Variants in ENPP2 observed in about 807,000 individuals in gnomAD.
ENPP2 encodes the protein autotaxin.
ENPP2 carries 51 observed loss-of-function variants against 120.2 expected under a neutral mutation model. The observed-to-expected ratio is 0.42, with a 90% confidence interval of 0.34 to 0.54. The LOEUF is 0.54. Among genes scored for constraint, ENPP2 ranks in the 20% least tolerant of loss-of-function variants. The pLI, the probability that ENPP2 is intolerant of heterozygous loss-of-function variation, is 0.04. For missense variants in ENPP2, 920 were observed against 1,066.5 expected (o/e 0.86, Z 1.91); for synonymous variants, 365 against 366.4 (o/e 1.00, Z 0.04).
chr8:119,649,297 G>C (rs1349582182), intron 1 of ENPP2, among the ~76,000 whole-genome samples: 2 of 151,036 alleles, frequency 1.3e-5, no homozygotes, highest in Non-Finnish European at 2.9e-5. Context: ...AGCTACTCAG[G>C]AGGCTGAGGC....
At chr8:119,583,484 G>T (rs951504156) in intron 17 of ENPP2, among the ~76,000 whole-genome samples, 2 of 152,186 alleles carry the variant, frequency 1.3e-5, no homozygotes, top group African/African-American at 2.4e-5. Context: ...GCCAGAGGCT[G>T]CCAACAGCAA....
At chr8:119,668,429 CTTTTTTTT>C in intron 1 of ENPP2, among the ~76,000 whole-genome samples, 1 of 110,530 alleles carries the variant, frequency 9.0e-6, no homozygotes, top group Middle Eastern at 4.9e-3. Flanking sequence ...TTTTCTTTTT[CTTTTTTTT>C]TTTTTTTTTT....
rs1370257799 is a variant in ENPP2, at chr8:119,586,195, T to A, written c.1358A>T (p.His453Leu). 6.2e-7 allele frequency: 1 copy of A among 1,613,930 alleles called. No individual in the cohort carries two copies. Among genetic ancestry groups the A allele is most frequent in the African/African-American group, 1.3e-5 (1 of 74,954 alleles). Reference sequence around the variant, plus strand: ...CCCATATACCAGTTACCTTGCAACATGCCATCTGCGTTCCACCAATAAATG... The same window carrying A: ...CCCATATACCAGTTACCTTGCAACAAGCCATCTGCGTTCCACCAATAAATG... ...DIHLLVERRW[H>L]VARKPLDVYK... is the part of the protein sequence containing the mutation. The change falls in exon 15 of 25, where the codon CAT becomes CTT. Residue 453 changes from histidine to leucine, a missense_variant. Physicochemically the swap from His to Leu is moderately conservative, Grantham distance 99 (BLOSUM62 -3). Transcript: ENST00000075322.
In ENPP2 at chr8:119,626,711, T is replaced by C; in HGVS notation, c.146A>G (p.Asp49Gly). The change falls in exon 3 of 25, where the codon GAC (aspartate) becomes GGC (glycine). Residue 49 changes from aspartate to glycine, a missense_variant. By Grantham distance (94) the Asp-to-Gly change is moderately conservative. Coordinates refer to ENST00000075322, the MANE Select transcript of ENPP2 (RefSeq NM_001040092.3). The part of the protein sequence containing the change: ...WEEGPPTVLS[D>G]SPWTNISGSC... ...TCCGGAGATGTTGGTCCAGGGGGAG[T>C]CTGATAGCACTGCAAAGAACAAGAG... 1 of 1,613,276 alleles carries C rather than the reference T, an allele frequency of 6.2e-7. No individual in the cohort carries two copies. Among genetic ancestry groups the C allele is most frequent in the Non-Finnish European group, 8.5e-7 (1 of 1,179,762 alleles).
At chr8:119,631,226 T>TC (rs1293831085) in intron 2 of ENPP2, among the ~76,000 whole-genome samples, 11 of 131,958 alleles carry the variant, frequency 8.3e-5, no homozygotes, top group Non-Finnish European at 1.5e-4. Context: ...TTTTTTTTTT[T>TC]TTTTTTTTGA....
chr8:119,592,777 A>C (rs1813616245), intron 12 of ENPP2: 1 of 154,414 alleles, frequency 6.5e-6, no homozygotes, highest in African/African-American at 2.4e-5. Flanking sequence ...ATGACTTCGC[A>C]AAGGGTTATA....
At chr8:119,569,034 T>C (rs945173958) in intron 21 of ENPP2, among the ~76,000 whole-genome samples, 5 of 152,200 alleles carry the variant, frequency 3.3e-5, no homozygotes, top group African/African-American at 1.2e-4. Flanking sequence ...CCTTGCACAT[T>C]AGAATTCCCC....
At chr8:119,659,820 G>T (rs1158393061) in intron 1 of ENPP2, among the ~76,000 whole-genome samples, 1 of 152,138 alleles carries the variant, frequency 6.6e-6, no homozygotes, top group Non-Finnish European at 1.5e-5. Flanking sequence ...TGCTTGTCTT[G>T]TATTAAGAAG....
intron 1 of ENPP2, among the ~76,000 whole-genome samples, chr8:119,648,670 C>T (rs891296301): frequency 3.3e-5 from 5 of 152,204 alleles, no homozygotes; most frequent in Non-Finnish European, 7.3e-5. Context: ...TGTGATTCCC[C>T]TTGCAATCAT....
chr8:119,604,594 A>C (rs1210194153), intron 9 of ENPP2, among the ~76,000 whole-genome samples: 13 of 151,718 alleles, frequency 8.6e-5, no homozygotes, highest in Admixed American at 2.0e-4. Flanking sequence ...GGTCAAAAAA[A>C]AAAAAAAAAG....
intron 1 of ENPP2, among the ~76,000 whole-genome samples, chr8:119,649,043 C>CA (rs1817551745): frequency 6.6e-6 from 1 of 151,886 alleles, no homozygotes; most frequent in African/African-American, 2.4e-5. Context: ...GACAAAAATA[C>CA]AAAAATCAGT....
At chr8:119,670,736 A>T (rs1278927538) in intron 1 of ENPP2, among the ~76,000 whole-genome samples, 2 of 152,218 alleles carry the variant, frequency 1.3e-5, no homozygotes, top group Non-Finnish European at 2.9e-5. Flanking sequence ...GTACAGAAAG[A>T]AAGTCTTATT....
chr8:119,634,118 G>A (rs182963646), intron 2 of ENPP2, among the ~76,000 whole-genome samples: 3 of 152,226 alleles, frequency 2.0e-5, no homozygotes, highest in Non-Finnish European at 4.4e-5. Context: ...GGGAGGTGGA[G>A]GTTGCAGTTA....
At chr8:119,671,156 C>G (rs1285580377) in intron 1 of ENPP2, among the ~76,000 whole-genome samples, 1 of 137,568 alleles carries the variant, frequency 7.3e-6, no homozygotes. Flanking sequence ...AAAAAATTAG[C>G]CTGGCATGGT....
rs1563680979 is a variant in ENPP2 at position 119,573,407 on chromosome 8, T to TAAAAAAAAAAAAAAAAA, written c.1781-2567_1781-2566insTTTTTTTTTTTTTTTTT. Among the ~76,000 whole-genome samples the TAAAAAAAAAAAAAAAAA allele has an allele frequency of 8.4e-5, 6 of 71,554 alleles. 1 individual carries two copies. The highest frequency in any genetic ancestry group is 4.3e-4 in the African/African-American group (6 of 14,084). 46.9% of individuals were successfully genotyped at this position (71,554 alleles called of 152,430 possible). A position where few individuals can be genotyped will look rare whatever the true frequency, so the allele number is the denominator to read the frequency against. ...AGGTGACAGAGCGAGGCTCCGTCTC[T>TAAAAAAAAAAAAAAAAA]TAAAAAAAAAAAAAAAAAAGATTCA... On this transcript the variant is annotated intron_variant, in intron 19 of 24. Coordinates refer to ENST00000075322, the MANE Select transcript of ENPP2 (RefSeq NM_001040092.3).
intron 19 of ENPP2, 82 bp downstream of exon 19, chr8:119,580,034 A>T: frequency 1.1e-6 from 1 of 900,580 alleles, no homozygotes; most frequent in Non-Finnish European, 1.9e-6. Flanking sequence ...TATTGTGCTT[A>T]CACTATAATG....
At chr8:119,645,217 C>T (rs952152874) in intron 1 of ENPP2, among the ~76,000 whole-genome samples, 4 of 152,142 alleles carry the variant, frequency 2.6e-5, no homozygotes, top group African/African-American at 7.2e-5. Flanking sequence ...GTCCTCTTTC[C>T]GCCGCAGCGT....
chr8:119,561,523 T>C (rs1030844254), intron 24 of ENPP2, among the ~76,000 whole-genome samples: 1 of 152,176 alleles, frequency 6.6e-6, no homozygotes, highest in Non-Finnish European at 1.5e-5. Context: ...GCACAAACTT[T>C]CCATCAAATT....
chr8:119,670,404 A>G (rs1818206535), intron 1 of ENPP2, among the ~76,000 whole-genome samples: 1 of 152,268 alleles, frequency 6.6e-6, no homozygotes, highest in Non-Finnish European at 1.5e-5. Flanking sequence ...TCTGTCATCT[A>G]ATTCAATGCT....
Sources: allele counts gnomAD v4.1 joint callset (sites outside exome capture counted in the v4.1 genomes callset), GRCh38; gene constraint gnomAD v4.1.1; transcripts MANE v1.5; gene names NCBI Gene and HGNC (gene_info 2026-07-23, HGNC 2026-07-21).